The following SLC22A23 variants were observed in gnomAD, a reference collection of about 807,000 sequenced individuals.
SLC22A23 encodes the protein ion transporter protein.
A neutral mutation model predicts 61.0 loss-of-function variants in SLC22A23; 26 were observed. That is an observed-to-expected ratio of 0.43 (90% CI 0.31 to 0.59). SLC22A23 has a LOEUF of 0.59. Among genes scored for constraint, SLC22A23 ranks in the 20% least tolerant of loss-of-function variants. The pLI is 0.11. For synonymous variants in SLC22A23, 430 were observed against 413.9 expected, an observed-to-expected ratio of 1.04 and a Z score of -0.47; for missense variants, 796 against 934.7, an observed-to-expected ratio of 0.85 and a Z score of 1.94.
rs143779849 is a variant in SLC22A23 at position 3,444,600 on chromosome 6, G to A, written c.654+11306C>T. 1.7e-3 allele frequency among the ~76,000 whole-genome samples: 266 copies of A among 152,300 alleles called. 2 individuals are homozygous for A. Among genetic ancestry groups the A allele is most frequent in the Admixed American group, 3.5e-3 (53 of 15,302 alleles). On this transcript the variant is annotated intron_variant, in intron 1 of 9. Coordinates refer to ENST00000406686, the MANE Select transcript of SLC22A23 (RefSeq NM_015482.2). ...TGAGAACTCCAGGAGGCAGTGAAGCGCCAGGCAGAGCCCCACTCTCCCGGC... is the reference window on the plus strand; with the variant it reads ...TGAGAACTCCAGGAGGCAGTGAAGCACCAGGCAGAGCCCCACTCTCCCGGC...
intron 5 of SLC22A23, among the ~76,000 whole-genome samples, chr6:3,296,869 G>A (rs997445678): frequency 2.0e-5 from 3 of 152,180 alleles, no homozygotes; most frequent in Non-Finnish European, 2.9e-5. Flanking sequence ...GGAGTCTAAC[G>A]AGAGGCCTGT....
intron 1 of SLC22A23, chr6:3,432,180 T>G: frequency 1.0e-6 from 1 of 984,682 alleles, no homozygotes; most frequent in Non-Finnish European, 1.2e-6. Flanking sequence ...CCGGTTCTCC[T>G]GCATCTGAGC....
chr6:3,373,808 C>T (rs750752671), intron 3 of SLC22A23, among the ~76,000 whole-genome samples: 25 of 152,242 alleles, frequency 1.6e-4, no homozygotes, highest in Non-Finnish European at 2.5e-4. Context: ...CAGAAACTTA[C>T]GGTCCAGTAA....
chr6:3,368,797 A>G (rs9503565), intron 3 of SLC22A23, among the ~76,000 whole-genome samples: 60,531 of 151,900 alleles, frequency 0.4, 12,399 homozygotes, highest in African/African-American at 0.5. Flanking sequence ...GAGGAAGTCC[A>G]ATCAGGCCAG....
chr6:3,357,938 A>G (rs1765213394), intron 3 of SLC22A23, among the ~76,000 whole-genome samples: 1 of 152,154 alleles, frequency 6.6e-6, no homozygotes, highest in South Asian at 2.1e-4. Flanking sequence ...CCTTAAGGGA[A>G]AAGGAAGTAG....
intron 3 of SLC22A23, among the ~76,000 whole-genome samples, chr6:3,343,278 C>T (rs1764249989): frequency 6.6e-6 from 1 of 152,204 alleles, no homozygotes; most frequent in East Asian, 1.9e-4. Flanking sequence ...CTATTCCCAA[C>T]CACACTCTTG....
At chr6:3,435,918 C>T (rs186990793) in intron 1 of SLC22A23, among the ~76,000 whole-genome samples, 20 of 152,288 alleles carry the variant, frequency 1.3e-4, no homozygotes, top group Non-Finnish European at 2.4e-4. Flanking sequence ...AGGGAGAAGA[C>T]GCCATCTGCA....
Position 3,273,131 on chromosome 6 carries a change from G to A in SLC22A23, c.1985C>T (p.Ser662Leu), listed in dbSNP as rs372807040. Residue 662 changes from serine (S) to leucine (L), a missense_variant, in exon 10 of 10, where the codon TCG becomes TTG. By Grantham distance (145) the Ser-to-Leu change is moderately radical (BLOSUM62 -2). Transcript: ENST00000406686. Reference protein sequence around the residue: ...LLTNAELKDYSGLHDAAAAGD... With the variant: ...LLTNAELKDYLGLHDAAAAGD... ...CGCGGCTGCGGCATCGTGGAGGCCC[G>A]AGTAGTCCTTGAGCTCGGCGTTGGT... 1.6e-5 allele frequency: 26 copies of A among 1,609,046 alleles called. No homozygotes were observed. Among genetic ancestry groups the A allele is most frequent in the African/African-American group, 2.7e-5 (2 of 74,936 alleles).
chr6:3,403,582 A>G (rs1480660584), intron 3 of SLC22A23, among the ~76,000 whole-genome samples: 1 of 152,172 alleles, frequency 6.6e-6, no homozygotes, highest in Non-Finnish European at 1.5e-5. Flanking sequence ...CTGGCGCAGC[A>G]GCCACACAGC....
intron 3 of SLC22A23, among the ~76,000 whole-genome samples, chr6:3,394,770 T>G (rs985438007): frequency 7.9e-5 from 12 of 152,324 alleles, no homozygotes; most frequent in Admixed American, 7.8e-4. Flanking sequence ...GGTCTACCTT[T>G]GCACAGCCCC....
At chr6:3,306,892 G>A (rs1762012934) in intron 4 of SLC22A23, among the ~76,000 whole-genome samples, 1 of 152,234 alleles carries the variant, frequency 6.6e-6, no homozygotes, top group Non-Finnish European at 1.5e-5. Flanking sequence ...GGAAGGAGCA[G>A]GCAGAGGTGC....
rs200104453 is a variant in SLC22A23, at chr6:3,289,804, G to A, written c.1273C>T (p.Arg425Trp). The change falls in exon 6 of 10, where the codon CGG becomes TGG. Residue 425 changes from arginine (R) to tryptophan (W), a missense_variant. Transcript: ENST00000406686. Reference protein sequence around the residue: ...KVCIVKVVGTRNLWKNIVVLC... With the variant: ...KVCIVKVVGTWNLWKNIVVLC... ...ACCACAATGTTCTTCCACAGGTTCC[G>A]TGTCCCCACCACCTTCACGATGCAG... 19 of 1,613,986 alleles carry A rather than the reference G, an allele frequency of 1.2e-5. No individual in the cohort carries two copies. In the East Asian group the frequency reaches 1.3e-4, roughly 11 times the overall value.
chr6:3,373,296 T>C (rs1766346452), intron 3 of SLC22A23, among the ~76,000 whole-genome samples: 1 of 152,260 alleles, frequency 6.6e-6, no homozygotes, highest in East Asian at 1.9e-4. Context: ...GTGACTCCGC[T>C]GGGAGAAGAC....
rs72841817 is a variant in SLC22A23 at position 3,328,950 on chromosome 6, C to T, written c.914-4948G>A. ...TCATCCTGTCCCTGCTTCTCTTCCC[C>T]GGCCAGCCTGGACCAGGTCCCAGCC... On this transcript the variant is annotated intron_variant, in intron 3 of 9. Transcript: ENST00000406686. This position sits in a 1 kb window ranked among gnomAD's most constrained non-coding sequence, Gnocchi z 5.0. Among the ~76,000 whole-genome samples, 16,616 of 151,982 alleles carry T rather than the reference C, an allele frequency of 0.11. 1,044 individuals carry two copies. The highest frequency in any genetic ancestry group is 0.24 in the South Asian group (1,161 of 4,788).
At chr6:3,344,294 A>C (rs1764303101) in intron 3 of SLC22A23, among the ~76,000 whole-genome samples, 1 of 152,242 alleles carries the variant, frequency 6.6e-6, no homozygotes, top group Non-Finnish European at 1.5e-5. Flanking sequence ...AAACCAAACA[A>C]ATTTTTTAAA....
chr6:3,335,357 G>A (rs1172168722), intron 3 of SLC22A23, among the ~76,000 whole-genome samples: 1 of 152,192 alleles, frequency 6.6e-6, no homozygotes, highest in African/African-American at 2.4e-5. Context: ...TTTTGACAGA[G>A]CTTGTCTCAC....
chr6:3,342,744 C>T lies in SLC22A23; in HGVS notation c.914-18742G>A, dbSNP rs931337314. ...TTCACATTAGTGCTGGGGATGAAAA[C>T]CTTTTCCTCCACCCTCCTAGGGTCA... is the stretch of plus-strand genomic sequence containing the variant. On this transcript the variant is annotated intron_variant, in intron 3 of 9. Transcript: ENST00000406686. This position sits in a 1 kb window ranked among gnomAD's most constrained non-coding sequence, Gnocchi z 4.0. Among the ~76,000 whole-genome samples the T allele has an allele frequency of 2.0e-5, 3 of 152,194 alleles. No individual in the cohort carries two copies. Among genetic ancestry groups the T allele is most frequent in the South Asian group, 2.1e-4 (1 of 4,832 alleles).
intron 1 of SLC22A23, among the ~76,000 whole-genome samples, chr6:3,432,646 G>A (rs898261553): frequency 6.6e-6 from 1 of 152,194 alleles, no homozygotes; most frequent in African/African-American, 2.4e-5. Context: ...AATGCAGTTC[G>A]TCTCAGGATG....
intron 3 of SLC22A23, among the ~76,000 whole-genome samples, chr6:3,365,637 A>G (rs1278030835): frequency 6.6e-6 from 1 of 152,206 alleles, no homozygotes; most frequent in African/African-American, 2.4e-5. Context: ...AATTAGACCT[A>G]TAACTCTGGA....
Sources: allele counts gnomAD v4.1 joint callset (sites outside exome capture counted in the v4.1 genomes callset), GRCh38; gene constraint gnomAD v4.1.1; non-coding constraint Gnocchi (gnomAD v3.1); transcripts MANE v1.5; gene names NCBI Gene and HGNC (gene_info 2026-07-23, HGNC 2026-07-21).